The following SHQ1 variants were observed in gnomAD, a reference collection of about 807,000 sequenced individuals.
SHQ1 encodes the protein SHQ1, H/ACA ribonucleoprotein assembly factor, also known as protein SHQ1 homolog.
A neutral mutation model predicts 53.8 loss-of-function variants in SHQ1; 49 were observed. The ratio of observed to expected loss-of-function variants is 0.91; its 90% CI spans 0.72 to 1.16. The LOEUF is 1.16. Ranked by LOEUF, SHQ1 falls within the 50% of genes most tolerant of loss-of-function variation. The probability of loss-of-function intolerance (pLI) is 0.00; values close to 1 mark genes in which losing one functional copy is unlikely to be tolerated. For missense variants in SHQ1, 738 were observed against 683.1 expected (o/e 1.08, Z -0.90); for synonymous variants, 243 against 251.0 (o/e 0.97, Z 0.30).
intron 9 of SHQ1, among the ~76,000 whole-genome samples, chr3:72,800,633 G>A (rs1173508952): frequency 6.6e-6 from 1 of 152,176 alleles, no homozygotes; most frequent in East Asian, 1.9e-4. Context: ...CCAGCAAATT[G>A]TATGATCCTG....
chr3:72,765,542 TATATATATATATA>T (rs1705703569), intron 10 of SHQ1, among the ~76,000 whole-genome samples: 1 of 96,070 alleles, frequency 1.0e-5, no homozygotes, highest in African/African-American at 6.3e-5. Context: ...TATATATATA[TATATATATATATA>T]TATTTTTTTT....
At chr3:72,781,784 T>A (rs67355490) in intron 10 of SHQ1, among the ~76,000 whole-genome samples, 3 of 150,394 alleles carry the variant, frequency 2.0e-5, no homozygotes, top group Non-Finnish European at 3.0e-5. Flanking sequence ...ATCACATCAC[T>A]AAAAAAAAAG....
chr3:72,772,969 G>T (rs1453805082), intron 10 of SHQ1: 7 of 1,124,716 alleles, frequency 6.2e-6, no homozygotes, highest in Non-Finnish European at 9.4e-6. Flanking sequence ...TCAAGAAGAA[G>T]AAAGTGAAGA....
At chr3:72,838,238 T>C (rs1708058291) in intron 4 of SHQ1, among the ~76,000 whole-genome samples, 1 of 152,374 alleles carries the variant, frequency 6.6e-6, no homozygotes, top group Non-Finnish European at 1.5e-5. Context: ...AACTTTTAGT[T>C]TTCAGAACTT....
chr3:72,827,239 A>G (rs1707688406), intron 5 of SHQ1, among the ~76,000 whole-genome samples: 1 of 152,118 alleles, frequency 6.6e-6, no homozygotes. Context: ...TGAGTATGAC[A>G]TGCCTTTTTT....
intron 10 of SHQ1, among the ~76,000 whole-genome samples, chr3:72,764,346 C>T (rs891339458): frequency 1.3e-5 from 2 of 152,154 alleles, no homozygotes; most frequent in African/African-American, 4.8e-5. Context: ...GGTGCCCAGA[C>T]TACTAAGGTT....
At chr3:72,790,934 A>T (rs1434859916) in intron 10 of SHQ1, among the ~76,000 whole-genome samples, 3 of 152,176 alleles carry the variant, frequency 2.0e-5, no homozygotes, top group African/African-American at 7.2e-5. Context: ...TACTATTAGC[A>T]CAACAATTAC....
At chr3:72,765,714 C>T (rs1559662752) in intron 10 of SHQ1, among the ~76,000 whole-genome samples, 1 of 151,614 alleles carries the variant, frequency 6.6e-6, no homozygotes, top group Non-Finnish European at 1.5e-5. Context: ...CCACTACACC[C>T]AGCTAATTTT....
At chr3:72,817,865 A>G (rs892090514) in intron 6 of SHQ1, among the ~76,000 whole-genome samples, 1 of 152,204 alleles carries the variant, frequency 6.6e-6, no homozygotes, top group African/African-American at 2.4e-5. Flanking sequence ...ATTCAAATTA[A>G]TCCATTAAAA....
intron 10 of SHQ1, among the ~76,000 whole-genome samples, chr3:72,784,651 T>C (rs1706171897): frequency 6.6e-6 from 1 of 152,234 alleles, no homozygotes; most frequent in Non-Finnish European, 1.5e-5. Context: ...CGCACAATTG[T>C]TTCTTGAAAC....
At chr3:72,770,850 C>CG (rs980764730) in intron 10 of SHQ1, among the ~76,000 whole-genome samples, 17 of 152,152 alleles carry the variant, frequency 1.1e-4, no homozygotes, top group African/African-American at 3.9e-4. Context: ...AGATAAGAGA[C>CG]GAAGTAGGTG....
downstream of SHQ1, among the ~76,000 whole-genome samples, chr3:72,748,940 G>A (rs994856928): frequency 2.0e-5 from 3 of 150,184 alleles, no homozygotes; most frequent in East Asian, 1.9e-4. Context: ...GGGAGACAGC[G>A]TAAGACCCTG....
At chr3:72,784,232 A>G (rs1436028848) in intron 10 of SHQ1, among the ~76,000 whole-genome samples, 3 of 151,870 alleles carry the variant, frequency 2.0e-5, no homozygotes, top group African/African-American at 7.2e-5. Context: ...TTCTTTTGTT[A>G]GTTTTTTCAA....
intron 9 of SHQ1, among the ~76,000 whole-genome samples, chr3:72,796,954 A>G (rs1285760198): frequency 2.0e-5 from 3 of 146,650 alleles, no homozygotes; most frequent in African/African-American, 7.6e-5. Context: ...AAAAAAGACT[A>G]ATACTCATTT....
intron 10 of SHQ1, chr3:72,772,662 T>G: frequency 1.4e-6 from 1 of 716,864 alleles, no homozygotes; most frequent in Non-Finnish European, 2.6e-6. Context: ...TAGACAATCT[T>G]GATGGTGCTT....
At chr3:72,758,583 T>TTTC (rs1469602622) in intron 10 of SHQ1, among the ~76,000 whole-genome samples, 1 of 144,680 alleles carries the variant, frequency 6.9e-6, no homozygotes, top group Non-Finnish European at 1.5e-5. Flanking sequence ...TTTTTTTTTT[T>TTTC]TTCCGAGATG....
intron 5 of SHQ1, among the ~76,000 whole-genome samples, chr3:72,831,459 A>C (rs137858515): frequency 8.1e-4 from 123 of 152,372 alleles, no homozygotes; most frequent in South Asian, 7.7e-3. Flanking sequence ...CAAGTCCCTT[A>C]AACTCCTCTC....
chr3:72,753,059 GT>G (rs1243218311), intron 10 of SHQ1: 1 of 985,064 alleles, frequency 1.0e-6, no homozygotes, highest in Non-Finnish European at 1.2e-6. Context: ...GCATTTAGTT[GT>G]TTTTTGTTTC....
chr3:72,727,222 G>A, the SHQ1 span, among the ~76,000 whole-genome samples: 1 of 152,130 alleles, frequency 6.6e-6, no homozygotes, highest in Non-Finnish European at 1.5e-5. Context: ...AATGCCAAGG[G>A]GGGTTTGAGG....
Sources: allele counts gnomAD v4.1 joint callset (sites outside exome capture counted in the v4.1 genomes callset), GRCh38; gene constraint gnomAD v4.1.1; transcripts MANE v1.5; gene names NCBI Gene and HGNC (gene_info 2026-07-23, HGNC 2026-07-21).